UNC93A: variants seen among roughly 807,000 people sequenced by gnomAD.
UNC93A encodes the protein unc-93 homolog A.
A neutral mutation model predicts 47.5 loss-of-function variants in UNC93A; 43 were observed. That is an observed-to-expected ratio of 0.91 (90% CI 0.71 to 1.17). The LOEUF is 1.17. Among genes scored for constraint, UNC93A ranks in the 50% most tolerant of loss-of-function variants. The pLI is 0.00. For synonymous variants in UNC93A, 280 were observed against 258.0 expected (o/e 1.09, Z -0.82); for missense variants, 605 against 577.6 (o/e 1.05, Z -0.49).
rs190288259 is a variant in UNC93A, at chr6:167,294,840, C to T, written c.269+142C>T. The T allele has an allele frequency of 2.6e-5, 24 of 925,090 alleles. No homozygotes were observed. The East Asian group carries it at 3.3e-4, about 13-fold the overall frequency. The allele number at this position is 925,090 out of a possible 1,614,324, so 57.3% of individuals were successfully genotyped here. ...ATGAGCTCTCCTGCCCCTGCACCCCCGCCTCGCTTTGGTGACAGACGGTGC... is the reference window on the plus strand; with the variant it reads ...ATGAGCTCTCCTGCCCCTGCACCCCTGCCTCGCTTTGGTGACAGACGGTGC... On this transcript the variant is annotated intron_variant, in intron 2 of 7. Transcript: ENST00000230256.
chr6:167,287,386 C>G (rs115123494), upstream of UNC93A, among the ~76,000 whole-genome samples: 1 of 152,134 alleles, frequency 6.6e-6, no homozygotes, highest in Admixed American at 6.5e-5. Context: ...ACCCCATACT[C>G]CCTATCGTCC....
upstream of UNC93A, among the ~76,000 whole-genome samples, chr6:167,269,746 A>G (rs1259902435): frequency 2.0e-5 from 3 of 151,378 alleles, no homozygotes; most frequent in Non-Finnish European, 4.4e-5. Flanking sequence ...AGCTGGGACT[A>G]CAGGCGCCCA....
chr6:167,283,566 G>A (rs1783669799), intron 1 of UNC93A, among the ~76,000 whole-genome samples: 2 of 152,088 alleles, frequency 1.3e-5, no homozygotes, highest in Non-Finnish European at 2.9e-5. Flanking sequence ...AAAGAGGTGG[G>A]TGCAGGTACA....
At chr6:167,281,075 T>C (rs1783624447) in intron 1 of UNC93A, among the ~76,000 whole-genome samples, 2 of 151,926 alleles carry the variant, frequency 1.3e-5, no homozygotes, top group African/African-American at 4.8e-5. Flanking sequence ...AAGAGGAGCC[T>C]CAGGCGGTAA....
chr6:167,295,126 T>A (rs1583074526), intron 2 of UNC93A, among the ~76,000 whole-genome samples: 1 of 149,932 alleles, frequency 6.7e-6, no homozygotes, highest in South Asian at 2.2e-4. Flanking sequence ...CCAGGGCAGG[T>A]CACAGGGATG....
At chr6:167,272,774 A>G (rs1783470020) in intron 1 of UNC93A, among the ~76,000 whole-genome samples, 1 of 152,238 alleles carries the variant, frequency 6.6e-6, no homozygotes, top group Admixed American at 6.5e-5. Context: ...ATAAGTTAAG[A>G]TAACAGGTTG....
chr6:167,274,766 C>T (rs575906851), intron 1 of UNC93A, among the ~76,000 whole-genome samples: 1 of 152,260 alleles, frequency 6.6e-6, no homozygotes, highest in East Asian at 1.9e-4. Context: ...CCATGCAGAG[C>T]TTCCATGCCC....
intron 4 of UNC93A, among the ~76,000 whole-genome samples, chr6:167,302,363 C>T (rs191375204): frequency 9.9e-4 from 151 of 152,060 alleles, no homozygotes; most frequent in African/African-American, 3.5e-3. Context: ...TTTAGAGGAG[C>T]AGGGGTCTAA....
At chr6:167,288,566 C>T (rs1241833834), upstream of UNC93A, among the ~76,000 whole-genome samples, 1 of 152,060 alleles carries the variant, frequency 6.6e-6, no homozygotes, top group Non-Finnish European at 1.5e-5. Context: ...TAGATACCTT[C>T]TTCATCTTTA....
At chr6:167,290,237 T>TGATA (rs1783817434), upstream of UNC93A, among the ~76,000 whole-genome samples, 1 of 152,218 alleles carries the variant, frequency 6.6e-6, no homozygotes, top group Non-Finnish European at 1.5e-5. Context: ...TATGTAAGCA[T>TGATA]GATAGTCCAT....
At chr6:167,285,691 C>T (rs1783714676) in intron 1 of UNC93A, among the ~76,000 whole-genome samples, 1 of 151,400 alleles carries the variant, frequency 6.6e-6, no homozygotes, top group South Asian at 2.1e-4. Flanking sequence ...GGAGGGCGGC[C>T]CTGGGCAGCA....
intron 4 of UNC93A, among the ~76,000 whole-genome samples, chr6:167,302,725 TA>T (rs1778276999): frequency 6.6e-6 from 1 of 152,082 alleles, no homozygotes; most frequent in Non-Finnish European, 1.5e-5. Context: ...ATAGTTAAAA[TA>T]TTTTTTTGTA....
At chr6:167,309,466 G>T (rs1331684502) in intron 7 of UNC93A, among the ~76,000 whole-genome samples, 1 of 152,164 alleles carries the variant, frequency 6.6e-6, no homozygotes, top group Non-Finnish European at 1.5e-5. Flanking sequence ...GCGTGTCTAA[G>T]AGATGCTGAT....
At chr6:167,272,042 G>A (rs1445631165) in intron 1 of UNC93A, among the ~76,000 whole-genome samples, 2 of 152,194 alleles carry the variant, frequency 1.3e-5, no homozygotes, top group Non-Finnish European at 1.5e-5. Context: ...AGACAGGAGT[G>A]GGGACACCTT....
intron 2 of UNC93A, 147 bp downstream of exon 2, chr6:167,294,845 C>T (rs1050153896): frequency 9.1e-6 from 8 of 881,022 alleles, no homozygotes; most frequent in South Asian, 3.6e-5. Flanking sequence ...ACCCCCGCCT[C>T]GCTTTGGTGA....
upstream of UNC93A, among the ~76,000 whole-genome samples, chr6:167,286,871 G>A (rs544515501): frequency 3.8e-4 from 57 of 151,310 alleles, no homozygotes; most frequent in African/African-American, 1.3e-3. Context: ...CCAGCTACTC[G>A]GGAGGCTGAG....
chr6:167,298,820 A>T (rs1433433975), intron 4 of UNC93A, among the ~76,000 whole-genome samples: 1 of 149,352 alleles, frequency 6.7e-6, no homozygotes, highest in African/African-American at 2.4e-5. Context: ...TAATTTAAAT[A>T]TTTTTTTTTT....
chr6:167,291,066 A>T (rs769843589), upstream of UNC93A, among the ~76,000 whole-genome samples: 7 of 152,262 alleles, frequency 4.6e-5, no homozygotes, highest in Middle Eastern at 6.8e-3. Flanking sequence ...ATTCTGCACC[A>T]CTGACAACTT....
upstream of UNC93A, among the ~76,000 whole-genome samples, chr6:167,290,104 G>A (rs182798961): frequency 1.4e-4 from 21 of 152,162 alleles, no homozygotes; most frequent in East Asian, 3.3e-3. Flanking sequence ...AAACAGGTTC[G>A]GTGACTCAGT....
Sources: allele counts gnomAD v4.1 joint callset (sites outside exome capture counted in the v4.1 genomes callset), GRCh38; gene constraint gnomAD v4.1.1; transcripts MANE v1.5; gene names NCBI Gene and HGNC (gene_info 2026-07-23, HGNC 2026-07-21).